Variants in DPCD observed in about 807,000 individuals in gnomAD.
The protein encoded by DPCD is protein DPCD.
Under a neutral mutation model 26.4 loss-of-function variants are expected in DPCD, and 20 were observed. The ratio of observed to expected loss-of-function variants is 0.76; its 90% confidence interval spans 0.53 to 1.10. The LOEUF (loss-of-function observed/expected upper bound fraction) is 1.10. Ranked by LOEUF, DPCD falls within the 50% of genes least tolerant of loss-of-function variation. The pLI is 0.00. For synonymous variants in DPCD, 97 were observed against 94.2 expected, an observed-to-expected ratio of 1.03 and a Z score of -0.17; for missense variants, 202 against 253.9, an observed-to-expected ratio of 0.80 and a Z score of 1.39.
chr10:101,596,900 A>C (rs999303832), intron 2 of DPCD, among the ~76,000 whole-genome samples: 9 of 152,238 alleles, frequency 5.9e-5, no homozygotes, highest in African/African-American at 1.7e-4. Flanking sequence ...AGAAAAATTC[A>C]AAGTAATTTA....
chr10:101,601,331 C>T lies in DPCD; in HGVS notation c.399C>T (p.Asn133=), dbSNP rs7874. The part of the protein sequence containing the change: ...KERCIIVRTT[N]KKYYKKFSIP... ...GCTGCATCATTGTCAGAACAACCAA[C>T]AAGAAGTGAGTAGCGTGGAAGGCAC... The change falls in exon 4 of 6, where the codon AAC becomes AAT. Residue 133 remains asparagine (N), a synonymous_variant. Coordinates refer to ENST00000370151, the MANE Select transcript of DPCD (RefSeq NM_015448.3). The T allele has an allele frequency of 0.2, 317,472 of 1,613,154 alleles. 33,473 individuals carry two copies. The highest frequency in any genetic ancestry group is 0.22 in the Non-Finnish European group (259,088 of 1,179,506).
chr10:101,598,611 CTTTTTTTTTTTTT>C (rs71016333), intron 2 of DPCD, among the ~76,000 whole-genome samples: 19 of 74,980 alleles, frequency 2.5e-4, no homozygotes, highest in South Asian at 6.3e-4. Flanking sequence ...TAGATGCTTT[CTTTTTTTTTTTTT>C]TTTTTTTTTT....
intron 4 of DPCD, among the ~76,000 whole-genome samples, chr10:101,606,636 C>T (rs1347845626): frequency 6.6e-6 from 1 of 152,118 alleles, no homozygotes; most frequent in African/African-American, 2.4e-5. Flanking sequence ...TCCTTAAATC[C>T]CCAGCTCACA....
intron 1 of DPCD, 132 bp downstream of exon 1, chr10:101,588,532 C>T (rs769598447): frequency 2.7e-6 from 4 of 1,478,594 alleles, no homozygotes; most frequent in South Asian, 2.6e-5. Flanking sequence ...CCTGCATTTG[C>T]AGATGAGGAG....
intron 4 of DPCD, among the ~76,000 whole-genome samples, chr10:101,606,416 C>T (rs2063733442): frequency 1.3e-5 from 2 of 152,234 alleles, no homozygotes; most frequent in Admixed American, 6.5e-5. Flanking sequence ...CTACCTCGGC[C>T]TCCCAAAATG....
At position 101,588,496 on chromosome 10, in the gene DPCD, G is replaced by A. The variant is rs770715260; in HGVS notation, c.64+96G>A. On this transcript the variant is annotated intron_variant, in intron 1 of 5. Transcript: ENST00000370151. ...GGGCCTGGGTCGGCAGAGCTGGAAGGGTCTCGGCGGTCAGCCGGGCCAGGT... is the reference window on the plus strand; with the variant it reads ...GGGCCTGGGTCGGCAGAGCTGGAAGAGTCTCGGCGGTCAGCCGGGCCAGGT... 170 of 1,512,026 alleles carry A rather than the reference G, an allele frequency of 1.1e-4. 3 individuals are homozygous for A. In the Middle Eastern group the frequency reaches 1.7e-3, roughly 15 times the overall value. 93.7% of individuals were successfully genotyped at this position (1,512,026 alleles called of 1,614,324 possible). A position where few individuals can be genotyped will look rare whatever the true frequency, so the allele number is the denominator to read the frequency against.
chr10:101,592,716 T>TA (rs1455364713), intron 1 of DPCD, among the ~76,000 whole-genome samples: 3 of 139,422 alleles, frequency 2.2e-5, no homozygotes, highest in East Asian at 2.2e-4. Flanking sequence ...CAAGACACTC[T>TA]AAAAAAAAGC....
intron 2 of DPCD, among the ~76,000 whole-genome samples, chr10:101,599,197 A>G (rs1381813569): frequency 2.0e-5 from 3 of 152,212 alleles, no homozygotes; most frequent in Non-Finnish European, 4.4e-5. Context: ...CCTATAGTAT[A>G]GAGTAGGGTA....
intron 2 of DPCD, among the ~76,000 whole-genome samples, chr10:101,599,569 T>C (rs1278230534): frequency 1.3e-5 from 2 of 152,276 alleles, no homozygotes; most frequent in Non-Finnish European, 2.9e-5. Flanking sequence ...AGCACACTTT[T>C]GTGTTCAGCT....
intron 2 of DPCD, among the ~76,000 whole-genome samples, 177 bp downstream of exon 2, chr10:101,594,915 A>G (rs7911663): frequency 0.25 from 37,618 of 152,002 alleles, 4,971 homozygotes; most frequent in Non-Finnish European, 0.3. Flanking sequence ...CAAAAGTGGA[A>G]TGCGAGTCCT....
At chr10:101,594,824 G>A in intron 2 of DPCD, 86 bp downstream of exon 2, 2 of 1,288,938 alleles carry the variant, frequency 1.6e-6, no homozygotes, top group Non-Finnish European at 2.2e-6. Context: ...TAGGCTTGAG[G>A]TAGGAGCCCA....
chr10:101,594,543 G>T (rs898353947), intron 1 of DPCD, 115 bp from the exon 2 acceptor site: 1 of 960,662 alleles, frequency 1.0e-6, no homozygotes, highest in Non-Finnish European at 1.7e-6. Flanking sequence ...GGAGGTCCTG[G>T]CTGGGTTCCT....
intron 4 of DPCD, among the ~76,000 whole-genome samples, chr10:101,604,367 CT>C (rs2134778049): frequency 6.6e-6 from 1 of 152,318 alleles, no homozygotes; most frequent in South Asian, 2.1e-4. Context: ...GATTTGACCT[CT>C]TCCTTCACCT....
At chr10:101,604,931 G>T (rs1433170532) in intron 4 of DPCD, among the ~76,000 whole-genome samples, 5 of 152,170 alleles carry the variant, frequency 3.3e-5, no homozygotes, top group African/African-American at 1.2e-4. Flanking sequence ...ACTGTGGGAG[G>T]TGTTAATAGG....
intron 2 of DPCD, among the ~76,000 whole-genome samples, chr10:101,598,646 C>T (rs1160545749): frequency 5.3e-5 from 4 of 74,770 alleles, no homozygotes; most frequent in Admixed American, 2.1e-4. Flanking sequence ...TTTTTTGAGA[C>T]GGAGTTTCAC....
intron 2 of DPCD, 52 bp downstream of exon 2, chr10:101,594,790 A>T: frequency 6.5e-7 from 1 of 1,543,948 alleles, no homozygotes; most frequent in Non-Finnish European, 9.0e-7. Context: ...GGGCTGACAT[A>T]AGCACAATGA....
At chr10:101,605,033 A>ATG in intron 4 of DPCD, 1 of 1,481,696 alleles carries the variant, frequency 6.7e-7, no homozygotes, top group Non-Finnish European at 9.1e-7. Flanking sequence ...AGCCTTTAGT[A>ATG]TGTGTGTGTG....
intron 4 of DPCD, among the ~76,000 whole-genome samples, chr10:101,607,629 T>C (rs2063742413): frequency 3.3e-5 from 5 of 152,118 alleles, no homozygotes; most frequent in Admixed American, 3.3e-4. Context: ...CCCCAGGGCA[T>C]AGGGGCTTTT....
In DPCD at chr10:101,600,230, C is replaced by G. The variant is rs1384175200; in HGVS notation, c.146-508C>G. Among the ~76,000 whole-genome samples the G allele has an allele frequency of 6.6e-6, 1 of 151,740 alleles. No homozygotes were observed. The highest frequency in any genetic ancestry group is 1.5e-5 in the Non-Finnish European group (1 of 67,988). Reference sequence around the variant, plus strand: ...TTTCTTTTTTTTTAAGCAAGGTATACCTGAAAAGAGTGAATTTCTATATTT... The same window carrying G: ...TTTCTTTTTTTTTAAGCAAGGTATAGCTGAAAAGAGTGAATTTCTATATTT... On this transcript the variant is annotated intron_variant, in intron 2 of 5. Transcript: ENST00000370151. This position sits in a 1 kb window ranked among gnomAD's most constrained non-coding sequence, Gnocchi z 4.7.
Sources: allele counts gnomAD v4.1 joint callset (sites outside exome capture counted in the v4.1 genomes callset), GRCh38; gene constraint gnomAD v4.1.1; non-coding constraint Gnocchi (gnomAD v3.1); transcripts MANE v1.5; gene names NCBI Gene and HGNC (gene_info 2026-07-23, HGNC 2026-07-21).